The following BRINP3 variants were observed in gnomAD, a reference collection of about 807,000 sequenced individuals.
The protein encoded by BRINP3 is BMP/retinoic acid inducible neural specific 3.
A neutral mutation model predicts 71.0 loss-of-function variants in BRINP3; 19 were observed. The observed-to-expected ratio is 0.27, with a 90% CI of 0.19 to 0.39. The LOEUF is 0.39. Ranked by LOEUF, BRINP3 falls within the 10% of genes least tolerant of loss-of-function variation. BRINP3 has a pLI of 1.00. For missense variants in BRINP3, 959 were observed against 940.8 expected, an observed-to-expected ratio of 1.02 and a Z score of -0.25; for synonymous variants, 380 against 337.7, an observed-to-expected ratio of 1.13 and a Z score of -1.37.
In BRINP3 at chr1:190,098,142, C is replaced by G; in HGVS notation, c.2177G>C (p.Cys726Ser). The part of the protein sequence containing the change: ...PGQRRLDLFS[C>S]LLRHRLKLST... The stretch of plus-strand genomic sequence containing the variant: ...CAGCTTGAGTCTATGACGAAGCAAG[C>G]AAGAGAAAAGATCTAGACGACGCTG... Residue 726 changes from cysteine to serine, a missense_variant, in exon 8 of 8, where the codon TGC (cysteine) becomes TCC (serine). By Grantham distance (112) the Cys-to-Ser change is moderately radical (BLOSUM62 -1). Coordinates refer to ENST00000367462, the MANE Select transcript of BRINP3 (RefSeq NM_199051.3). 6.2e-7 allele frequency: 1 copy of G among 1,614,134 alleles called. No homozygotes were observed. The highest frequency in any genetic ancestry group is 8.5e-7 in the Non-Finnish European group (1 of 1,180,020).
At chr1:190,305,809 A>C (rs1217434264) in intron 2 of BRINP3, among the ~76,000 whole-genome samples, 1 of 151,862 alleles carries the variant, frequency 6.6e-6, no homozygotes, top group Non-Finnish European at 1.5e-5. Flanking sequence ...CTCATTAGAA[A>C]AAAATGATAA....
intron 7 of BRINP3, among the ~76,000 whole-genome samples, chr1:190,149,886 T>C (rs568190729): frequency 2.0e-5 from 3 of 152,092 alleles, no homozygotes; most frequent in African/African-American, 4.8e-5. Context: ...TTTTCTTGAG[T>C]GTTCTTTTGT....
chr1:190,337,702 C>T (rs1287371183), intron 2 of BRINP3, among the ~76,000 whole-genome samples: 1 of 152,080 alleles, frequency 6.6e-6, no homozygotes, highest in East Asian at 1.9e-4. Context: ...GGGACTCAGA[C>T]TGCAGATGGC....
At chr1:190,143,323 T>C (rs1655614740) in intron 7 of BRINP3, among the ~76,000 whole-genome samples, 1 of 152,112 alleles carries the variant, frequency 6.6e-6, no homozygotes, top group Admixed American at 6.6e-5. Flanking sequence ...AATAAAATCA[T>C]GAAGACAACA....
At chr1:190,354,973 C>A (rs1668637875) in intron 2 of BRINP3, among the ~76,000 whole-genome samples, 1 of 151,718 alleles carries the variant, frequency 6.6e-6, no homozygotes, top group Non-Finnish European at 1.5e-5. Flanking sequence ...CTGCTTATTT[C>A]TGCGTTACCT....
intron 4 of BRINP3, among the ~76,000 whole-genome samples, chr1:190,241,111 G>T (rs1659049055): frequency 6.6e-6 from 1 of 151,786 alleles, no homozygotes; most frequent in East Asian, 1.9e-4. Context: ...GGATTAAATT[G>T]GTGGATAAAT....
chr1:190,284,086 G>T (rs1304279226), intron 2 of BRINP3, among the ~76,000 whole-genome samples: 1 of 151,754 alleles, frequency 6.6e-6, no homozygotes, highest in Non-Finnish European at 1.5e-5. Context: ...AAAGATTTTC[G>T]ATACATGACT....
At chr1:190,331,507 G>C (rs1666962084) in intron 2 of BRINP3, among the ~76,000 whole-genome samples, 1 of 151,960 alleles carries the variant, frequency 6.6e-6, no homozygotes, top group Admixed American at 6.6e-5. Context: ...TTAAAAAGTT[G>C]TTTGCTGTTG....
chr1:190,278,823 C>G (rs1662822745), intron 3 of BRINP3, among the ~76,000 whole-genome samples: 2 of 150,598 alleles, frequency 1.3e-5, no homozygotes, highest in South Asian at 4.2e-4. Context: ...GAATCAACCT[C>G]AAGTGAATAA....
intron 7 of BRINP3, among the ~76,000 whole-genome samples, chr1:190,132,340 C>T (rs1032151442): frequency 2.0e-5 from 3 of 151,920 alleles, no homozygotes; most frequent in Non-Finnish European, 2.9e-5. Context: ...TAACAGTGCC[C>T]TCATGTTATG....
chr1:190,366,193 A>G (rs1195554332), intron 2 of BRINP3, among the ~76,000 whole-genome samples: 2 of 152,120 alleles, frequency 1.3e-5, no homozygotes, highest in Admixed American at 6.6e-5. Flanking sequence ...TTTATAAACG[A>G]AAGAAGTTTA....
chr1:190,305,292 A>G (rs1308529990), intron 2 of BRINP3, among the ~76,000 whole-genome samples: 2 of 151,796 alleles, frequency 1.3e-5, no homozygotes, highest in Non-Finnish European at 2.9e-5. Context: ...TGGGAGAGAG[A>G]TTTGCATTCT....
intron 7 of BRINP3, among the ~76,000 whole-genome samples, chr1:190,145,944 GCT>G (rs1655851186): frequency 6.6e-6 from 1 of 152,120 alleles, no homozygotes; most frequent in Admixed American, 6.6e-5. Flanking sequence ...AAGTGAAGTT[GCT>G]CAGGAATGGA....
intron 2 of BRINP3, among the ~76,000 whole-genome samples, chr1:190,400,048 T>A (rs1157733060): frequency 6.6e-6 from 1 of 152,070 alleles, no homozygotes; most frequent in Admixed American, 6.6e-5. Context: ...CCCATCACAC[T>A]GACATTCTAC....
At chr1:190,200,204 T>C (rs907235974) in intron 6 of BRINP3, among the ~76,000 whole-genome samples, 1 of 152,122 alleles carries the variant, frequency 6.6e-6, no homozygotes, top group African/African-American at 2.4e-5. Context: ...GGACACGATC[T>C]TGATCATTTT....
At chr1:190,395,545 C>G (rs1181616022) in intron 2 of BRINP3, among the ~76,000 whole-genome samples, 2 of 151,570 alleles carry the variant, frequency 1.3e-5, no homozygotes, top group Non-Finnish European at 3.0e-5. Flanking sequence ...CAAATTAACA[C>G]AAGAAATATT....
At chr1:190,119,023 A>C (rs1653391956) in intron 7 of BRINP3, among the ~76,000 whole-genome samples, 1 of 152,152 alleles carries the variant, frequency 6.6e-6, no homozygotes, top group Non-Finnish European at 1.5e-5. Flanking sequence ...AACAGTTAAA[A>C]TATAAACTTT....
intron 6 of BRINP3, among the ~76,000 whole-genome samples, chr1:190,199,693 T>TCAAAACAA (rs1245701243): frequency 1.4e-5 from 2 of 146,020 alleles, no homozygotes; most frequent in African/African-American, 5.1e-5. Flanking sequence ...AAGATAGAAG[T>TCAAAACAA]CAAAACAAAG....
At chr1:190,459,961 C>T (rs1473826230) in intron 1 of BRINP3, among the ~76,000 whole-genome samples, 2 of 151,584 alleles carry the variant, frequency 1.3e-5, no homozygotes, top group Middle Eastern at 3.4e-3. Flanking sequence ...TGTCTCTCTC[C>T]CTCTCATAAA....
Sources: allele counts gnomAD v4.1 joint callset (sites outside exome capture counted in the v4.1 genomes callset), GRCh38; gene constraint gnomAD v4.1.1; transcripts MANE v1.5; gene names NCBI Gene and HGNC (gene_info 2026-07-23, HGNC 2026-07-21).